The following CFAP251 variants were observed in gnomAD, a reference collection of about 807,000 sequenced individuals.
CFAP251 encodes cilia and flagella associated protein 251.
CFAP251 carries 93 observed loss-of-function variants against 126.7 expected under a neutral mutation model. The ratio of observed to expected loss-of-function variants is 0.73; its 90% CI spans 0.62 to 0.87. The LOEUF (loss-of-function observed/expected upper bound fraction) is 0.87. Ranked by LOEUF, CFAP251 falls within the 40% of genes least tolerant of loss-of-function variation. The pLI is 0.00. For missense variants in CFAP251, 1,287 were observed against 1,389.2 expected (o/e 0.93, Z 1.17); for synonymous variants, 503 against 506.9 (o/e 0.99, Z 0.10).
chr12:121,958,059 C>T (rs1881790070), intron 11 of CFAP251, among the ~76,000 whole-genome samples: 1 of 152,218 alleles, frequency 6.6e-6, no homozygotes, highest in African/African-American at 2.4e-5. Context: ...CATCTGCATA[C>T]TTAATGACTC....
chr12:121,931,039 G>A (rs1880665723), intron 3 of CFAP251, among the ~76,000 whole-genome samples: 1 of 150,550 alleles, frequency 6.6e-6, no homozygotes, highest in African/African-American at 2.4e-5. Flanking sequence ...ATGAAACAGG[G>A]CTCCCAGCCT....
chr12:121,937,908 G>T (rs1265127502), intron 5 of CFAP251, among the ~76,000 whole-genome samples: 1 of 152,208 alleles, frequency 6.6e-6, no homozygotes, highest in Non-Finnish European at 1.5e-5. Context: ...GTGCTTGAAG[G>T]TTCATCCGTG....
At chr12:121,973,731 T>C (rs1326521253) in intron 17 of CFAP251, among the ~76,000 whole-genome samples, 2 of 152,216 alleles carry the variant, frequency 1.3e-5, no homozygotes, top group Non-Finnish European at 2.9e-5. Flanking sequence ...CAGACTTGCA[T>C]GAGGCCTGTA....
chr12:121,929,869 G>T (rs1201050582), intron 3 of CFAP251, among the ~76,000 whole-genome samples: 1 of 152,072 alleles, frequency 6.6e-6, no homozygotes, highest in African/African-American at 2.4e-5. Context: ...GTAGAGATGG[G>T]GTTTCACCGT....
intron 19 of CFAP251, among the ~76,000 whole-genome samples, chr12:121,984,178 C>T (rs1334306388): frequency 6.6e-6 from 1 of 152,196 alleles, no homozygotes; most frequent in Non-Finnish European, 1.5e-5. Context: ...AGCCAAATTA[C>T]ACAAGAATAT....
At chr12:121,919,809 G>C (rs1880081815) in intron 1 of CFAP251, among the ~76,000 whole-genome samples, 1 of 152,146 alleles carries the variant, frequency 6.6e-6, no homozygotes, top group Non-Finnish European at 1.5e-5. Context: ...GAGTAAAAAG[G>C]CTACAAGGTG....
At chr12:121,975,820 C>T in intron 19 of CFAP251, 135 bp downstream of exon 19, 1 of 933,924 alleles carries the variant, frequency 1.1e-6, no homozygotes, top group Non-Finnish European at 1.6e-6. Flanking sequence ...TGGTTCTGGG[C>T]ATTTCAGATG....
chr12:121,922,620 A>G (rs555613548), intron 2 of CFAP251, among the ~76,000 whole-genome samples: 1 of 152,246 alleles, frequency 6.6e-6, no homozygotes, highest in Admixed American at 6.5e-5. Context: ...TGCTCCCAGT[A>G]GGAGAACTTA....
At chr12:121,972,298 G>A (rs1290092673) in intron 17 of CFAP251, among the ~76,000 whole-genome samples, 7 of 152,218 alleles carry the variant, frequency 4.6e-5, no homozygotes, top group African/African-American at 1.7e-4. Flanking sequence ...TTAGCCAAAA[G>A]CCTGATAGTG....
chr12:121,942,336 C>G (rs1004959377), intron 5 of CFAP251, among the ~76,000 whole-genome samples, 198 bp from the exon 6 acceptor site: 1 of 152,146 alleles, frequency 6.6e-6, no homozygotes, highest in African/African-American at 2.4e-5. Context: ...CACTCAGCAT[C>G]GCTTCCGACG....
chr12:121,992,378 G>A (rs1444993188), intron 19 of CFAP251: 5 of 985,228 alleles, frequency 5.1e-6, no homozygotes, highest in South Asian at 9.4e-5. Context: ...TCAGTCATAC[G>A]GGAAGAGAGA....
chr12:121,951,599 C>A, intron 9 of CFAP251, 69 bp downstream of exon 9: 1 of 1,160,314 alleles, frequency 8.6e-7, no homozygotes, highest in Non-Finnish European at 1.3e-6. Flanking sequence ...GCAAGCTTAG[C>A]TGCTTCGGGC....
At chr12:121,936,905 T>C (rs1185314269) in intron 5 of CFAP251, among the ~76,000 whole-genome samples, 1 of 151,932 alleles carries the variant, frequency 6.6e-6, no homozygotes, top group Non-Finnish European at 1.5e-5. Context: ...CCAGGGGAAT[T>C]CAGAGTGACA....
intron 19 of CFAP251, among the ~76,000 whole-genome samples, chr12:121,979,080 G>A (rs1425885455): frequency 2.0e-5 from 3 of 152,056 alleles, no homozygotes; most frequent in Non-Finnish European, 4.4e-5. Context: ...CCCTGCTCTC[G>A]GCTTCAGTGG....
chr12:121,991,602 A>T (rs150884903), intron 19 of CFAP251, among the ~76,000 whole-genome samples: 107 of 152,312 alleles, frequency 7.0e-4, no homozygotes, highest in African/African-American at 2.3e-3. Flanking sequence ...CTGACATGTC[A>T]GCGAGCCTTT....
At chr12:121,924,766 G>A (rs974314236) in intron 3 of CFAP251, among the ~76,000 whole-genome samples, 32 of 152,164 alleles carry the variant, frequency 2.1e-4, no homozygotes, top group African/African-American at 3.9e-4. Context: ...TAAGAGCTCC[G>A]ACTGGAACAC....
intron 8 of CFAP251, chr12:121,951,067 A>AC (rs1430564579): frequency 1.3e-5 from 2 of 152,824 alleles, no homozygotes; most frequent in African/African-American, 4.8e-5. Context: ...AAAAAAAAAA[A>AC]AAAATTAGCT....
chr12:121,945,392 G>A (rs955991464), intron 7 of CFAP251, among the ~76,000 whole-genome samples: 2 of 151,728 alleles, frequency 1.3e-5, no homozygotes, highest in African/African-American at 4.8e-5. Context: ...TGCCCAGGCT[G>A]GAGTGCGGTG....
At chr12:121,956,316 C>T (rs1356764613) in intron 10 of CFAP251, among the ~76,000 whole-genome samples, 1 of 152,094 alleles carries the variant, frequency 6.6e-6, no homozygotes, top group Non-Finnish European at 1.5e-5. Context: ...TCCTTGTCCA[C>T]CTCCATTGCG....
Sources: allele counts gnomAD v4.1 joint callset (sites outside exome capture counted in the v4.1 genomes callset), GRCh38; gene constraint gnomAD v4.1.1; transcripts MANE v1.5; gene names NCBI Gene and HGNC (gene_info 2026-07-23, HGNC 2026-07-21).